Variants in TPSG1 observed in about 807,000 individuals in gnomAD.
The protein encoded by TPSG1 is tryptase gamma 1, also known as tryptase gamma.
TPSG1 carries 43 observed loss-of-function variants against 23.8 expected under a neutral mutation model. The observed-to-expected ratio is 1.81, with a 90% CI of 1.42 to 2.33. The LOEUF (loss-of-function observed/expected upper bound fraction) is 2.33. Ranked by LOEUF, TPSG1 falls within the 30% of genes most tolerant of loss-of-function variation. The pLI is 0.00. For missense variants in TPSG1, 623 were observed against 438.6 expected (o/e 1.42, Z -3.75); for synonymous variants, 302 against 201.3 (o/e 1.50, Z -4.23).
At position 1,223,558 on chromosome 16, in the gene TPSG1, C is replaced by A. The variant is rs201153431; in HGVS notation, c.110G>T (p.Arg37Leu). The A allele has an allele frequency of 5.2e-6, 8 of 1,545,118 alleles. No homozygotes were observed. In the African/African-American group the frequency reaches 5.5e-5, roughly 11 times the overall value. The change falls in exon 3 of 6, where the codon CGG becomes CTG. Residue 37 changes from arginine to leucine, a missense_variant. Arg to Leu is a moderately radical substitution (Grantham distance 102). Coordinates refer to ENST00000234798, the MANE Select transcript of TPSG1 (RefSeq NM_012467.4). ...GRPQVSDAGG[R>L]IVGGHAAPAG... is the part of the protein sequence containing the mutation. ...CGGGGCAGCGTGACCCCCCACGATC[C>A]GGCCGCCTGCATCCGAAACCTGCGG...
At chr16:1,223,304 A>G in intron 3 of TPSG1, 119 bp downstream of exon 3, 1 of 1,277,252 alleles carries the variant, frequency 7.8e-7, no homozygotes, top group Non-Finnish European at 1.0e-6. Flanking sequence ...ATTGGAAGGA[A>G]GTAGGCTCAG....
rs937272054 is a variant in TPSG1, at chr16:1,222,726, AG to A, written c.436del (p.Leu146SerfsTer16). ...GCAGAAGTCATCTGAGGCCTCCGGG[AG>A]GCAGACGGGCAGGATCCGGCTGGAG... ...TLSSRILPVC[L>X]PEASDDFCPG... On this transcript the variant is annotated frameshift_variant, in exon 4 of 6. Coordinates refer to ENST00000234798, the MANE Select transcript of TPSG1 (RefSeq NM_012467.4). LOFTEE classifies it high-confidence loss of function. 6.2e-7 allele frequency: 1 copy of A among 1,610,270 alleles called. No individual in the cohort carries two copies. The highest frequency in any genetic ancestry group is 1.3e-5 in the African/African-American group (1 of 74,870).
Position 1,221,899 on chromosome 16 carries a change from C to T in TPSG1, c.855G>A (p.Leu285=), listed in dbSNP as rs1301003665. Residue 285 remains leucine, a synonymous_variant, in exon 6 of 6, where the codon CTG becomes CTA. Coordinates refer to ENST00000234798, the MANE Select transcript of TPSG1 (RefSeq NM_012467.4). The stretch of plus-strand genomic sequence containing the variant: ...AGAGGCCGGGGAGGAAGAAGCCAGC[C>T]AGGAGGGGGAGCCTGGGGTACCCAG... The part of the protein sequence containing the change: ...SESGYPRLPL[L]AGFFLPGLFL... 3.1e-6 allele frequency: 5 copies of T among 1,611,444 alleles called. No homozygotes were observed. The highest frequency in any genetic ancestry group is 4.2e-6 in the Non-Finnish European group (5 of 1,179,184).
chr16:1,223,471 G>A lies in TPSG1; in HGVS notation c.197C>T (p.Ser66Leu). ...RLRRVHVCGG[S>L]LLSPQWVLTA... is the part of the protein sequence containing the mutation. Reference sequence around the variant, plus strand: ...GAGCACCCACTGGGGGCTGAGCAGTGACCCGCCGCACACGTGCACCCTCCG... The same window carrying A: ...GAGCACCCACTGGGGGCTGAGCAGTAACCCGCCGCACACGTGCACCCTCCG... The change falls in exon 3 of 6, where the codon TCA (serine) becomes TTA (leucine). Residue 66 changes from serine to leucine, a missense_variant. Physicochemically the swap from Ser to Leu is moderately radical, Grantham distance 145. Coordinates refer to ENST00000234798, the MANE Select transcript of TPSG1 (RefSeq NM_012467.4). The A allele has an allele frequency of 1.3e-6, 2 of 1,585,664 alleles. No homozygotes were observed. The highest frequency in any genetic ancestry group is 1.7e-6 in the Non-Finnish European group (2 of 1,168,634).
Position 1,225,203 on chromosome 16 carries a change from C to A in TPSG1, c.46+4G>T. ...CATCCCCACACCCAGGCCAGGTCACCCACCGGGCACAGCCAGGAGCAGCAG... is the reference window on the plus strand; with the variant it reads ...CATCCCCACACCCAGGCCAGGTCACACACCGGGCACAGCCAGGAGCAGCAG... On this transcript the variant is annotated splice_donor_region_variant and intron_variant, in intron 1 of 5. Coordinates refer to ENST00000234798, the MANE Select transcript of TPSG1 (RefSeq NM_012467.4). The A allele has an allele frequency of 6.4e-7, 1 of 1,574,798 alleles. No homozygotes were observed. Among genetic ancestry groups the A allele is most frequent in the East Asian group, 2.3e-5 (1 of 43,014 alleles).
At chr16:1,223,618 C>A (rs1484976030) in intron 2 of TPSG1, 24 bp from the exon 3 acceptor site, 1 of 1,527,968 alleles carries the variant, frequency 6.5e-7, no homozygotes, top group Admixed American at 2.2e-5. Context: ...GGAAGGGGTG[C>A]CTGGTGGGGA....
At position 1,222,100 on chromosome 16, in the gene TPSG1, A is replaced by C. The variant is rs1970522267; in HGVS notation, c.658-4T>G. The C allele has an allele frequency of 1.2e-6, 2 of 1,612,716 alleles. No individual in the cohort carries two copies. ...CCAGAGGCCCCCCGGAGTCGTCCTG[A>C]GGACAGAGAAGGCGAGCATTGGGAG... On this transcript the variant is annotated splice_region_variant and splice_polypyrimidine_tract_variant and intron_variant, in intron 5 of 5. Transcript: ENST00000234798.
intron 4 of TPSG1, 131 bp downstream of exon 4, chr16:1,222,521 C>A (rs1970546193): frequency 7.4e-7 from 1 of 1,354,832 alleles, no homozygotes; most frequent in Non-Finnish European, 1.0e-6. Context: ...AAAGGGACAG[C>A]CGATAGGGGC....
chr16:1,224,697 CCCCTGCCA>C, intron 1 of TPSG1, 69 bp from the exon 2 acceptor site: 1 of 1,605,260 alleles, frequency 6.2e-7, no homozygotes, highest in Non-Finnish European at 8.5e-7. Flanking sequence ...GCTCCAGAGG[CCCCTGCCA>C]GGCCTCAGGG....
chr16:1,222,140 A>G (rs749971340), intron 5 of TPSG1, 44 bp from the exon 6 acceptor site: 387 of 1,611,796 alleles, frequency 2.4e-4, no homozygotes, highest in Non-Finnish European at 3.0e-4. Context: ...GAAGATGGGG[A>G]GCCCCTCCCT....
intron 4 of TPSG1, 55 bp from the exon 5 acceptor site, chr16:1,222,396 G>A: frequency 6.8e-7 from 1 of 1,465,682 alleles, no homozygotes; most frequent in Admixed American, 2.1e-5. Flanking sequence ...CCCTGCACTG[G>A]GGGGATGGGA....
chr16:1,222,451 G>T lies in TPSG1; in HGVS notation c.512-110C>A, dbSNP rs923413865. ...CCCATGCCACCACGACCCTCGTCACGGCACGTGGGTTGTGATCTGACGTTT... is the reference window on the plus strand; with the variant it reads ...CCCATGCCACCACGACCCTCGTCACTGCACGTGGGTTGTGATCTGACGTTT... On this transcript the variant is annotated intron_variant, in intron 4 of 5. Transcript: ENST00000234798. The T allele has an allele frequency of 4.8e-6, 6 of 1,251,790 alleles. No homozygotes were observed. The Admixed American group carries it at 1.3e-4, about 28-fold the overall frequency. 77.5% of individuals were successfully genotyped at this position (1,251,790 alleles called of 1,614,324 possible).
Position 1,223,469 on chromosome 16 carries a change from G to A in TPSG1, c.199C>T (p.Leu67=). 1 of 1,586,492 alleles carries A rather than the reference G, an allele frequency of 6.3e-7. No individual in the cohort carries two copies. The highest frequency in any genetic ancestry group is 8.6e-7 in the Non-Finnish European group (1 of 1,168,938). The change falls in exon 3 of 6, where the codon CTG becomes TTG. Residue 67 remains leucine (L), a synonymous_variant. Coordinates refer to ENST00000234798, the MANE Select transcript of TPSG1 (RefSeq NM_012467.4). ...LRRVHVCGGS[L]LSPQWVLTAA... ...GTGAGCACCCACTGGGGGCTGAGCAGTGACCCGCCGCACACGTGCACCCTC... is the reference window on the plus strand; with the variant it reads ...GTGAGCACCCACTGGGGGCTGAGCAATGACCCGCCGCACACGTGCACCCTC...
Position 1,221,855 on chromosome 16 carries a change from C to A in TPSG1, c.899G>T (p.Cys300Phe), listed in dbSNP as rs758653469. 15 of 1,611,872 alleles carry A rather than the reference C, an allele frequency of 9.3e-6. No individual in the cohort carries two copies. Among genetic ancestry groups the A allele is most frequent in the Non-Finnish European group, 1.3e-5 (15 of 1,179,584 alleles). The change falls in exon 6 of 6, where the codon TGT becomes TTT. Residue 300 changes from cysteine to phenylalanine, a missense_variant. Cys to Phe is a radical substitution (Grantham distance 205). Transcript: ENST00000234798. The part of the protein sequence containing the change: ...LPGLFLLLVS[C>F]VLLAKCLLHP... ...CAGCAGGCACTTGGCCAGCAGGACA[C>A]AGGAGACTAGCAGAAGGAAGAGGCC...
chr16:1,224,931 GGCACCCCCAACTCCCACCC>G (rs1373663915), intron 1 of TPSG1, among the ~76,000 whole-genome samples: 24 of 152,094 alleles, frequency 1.6e-4, no homozygotes, highest in Middle Eastern at 3.4e-3. Flanking sequence ...TGGGACTCCT[GGCACCCCCAACTCCCACCC>G]GCACCCCCAA....
At chr16:1,224,433 C>G (rs79452405) in intron 2 of TPSG1, among the ~76,000 whole-genome samples, 169 bp downstream of exon 2, 3,054 of 152,212 alleles carry the variant, frequency 0.02, 114 homozygotes, top group African/African-American at 0.07. Flanking sequence ...CCCTGCAGCA[C>G]ACCCCGACCA....
chr16:1,223,250 C>T (rs1011390134), intron 3 of TPSG1, among the ~76,000 whole-genome samples, 173 bp downstream of exon 3: 1 of 152,252 alleles, frequency 6.6e-6, no homozygotes. Flanking sequence ...GAGCAAAGAG[C>T]TGCAGAACCT....
rs569736377 is a variant in TPSG1 at position 1,225,241 on chromosome 16, C to T, written c.12G>A (p.Gly4=). 5 of 1,576,112 alleles carry T rather than the reference C, an allele frequency of 3.2e-6. No homozygotes were observed. Among genetic ancestry groups the T allele is most frequent in the Non-Finnish European group, 4.3e-6 (5 of 1,161,188 alleles). Residue 4 remains glycine (G), a synonymous_variant, in exon 1 of 6, where the codon GGG becomes GGA. Coordinates refer to ENST00000234798, the MANE Select transcript of TPSG1 (RefSeq NM_012467.4). MAL[G]ACGLLLLLAV... ...CCAGGAGCAGCAGGAGGCCACAGGCCCCAAGGGCCATGGTGTCTGCCCACT... is the reference window on the plus strand; with the variant it reads ...CCAGGAGCAGCAGGAGGCCACAGGCTCCAAGGGCCATGGTGTCTGCCCACT...
chr16:1,222,448 C>G (rs546282354), intron 4 of TPSG1, 107 bp from the exon 5 acceptor site: 464 of 1,250,468 alleles, frequency 3.7e-4, no homozygotes, highest in Non-Finnish European at 4.8e-4. Context: ...CGACCCTCGT[C>G]ACGGCACGTG....
Sources: allele counts gnomAD v4.1 joint callset (sites outside exome capture counted in the v4.1 genomes callset), GRCh38; gene constraint gnomAD v4.1.1; transcripts MANE v1.5; gene names NCBI Gene and HGNC (gene_info 2026-07-23, HGNC 2026-07-21).